The following PKHD1L1 variants were observed in gnomAD, a reference collection of about 807,000 sequenced individuals.
The protein encoded by PKHD1L1 is PKHD1 like 1.
PKHD1L1 carries 434 observed loss-of-function variants against 462.9 expected under a neutral mutation model. The ratio of observed to expected loss-of-function variants is 0.94; its 90% confidence interval spans 0.87 to 1.02. The LOEUF is 1.02. PKHD1L1 is among the 50% of genes least tolerant of loss of function. The pLI, the probability that PKHD1L1 is intolerant of heterozygous loss-of-function variation, is 0.00. For missense variants in PKHD1L1, 5,202 were observed against 5,096.1 expected, an observed-to-expected ratio of 1.02 and a Z score of -0.63; for synonymous variants, 1,781 against 1,750.0, an observed-to-expected ratio of 1.02 and a Z score of -0.44.
chr8:109,441,148 C>T lies in PKHD1L1; in HGVS notation c.4100-127C>T, dbSNP rs546046136. 384 of 682,274 alleles carry T rather than the reference C, an allele frequency of 5.6e-4. 1 individual carries two copies. The African/African-American group carries it at 6.7e-3, about 12-fold the overall frequency. 42.3% of individuals were successfully genotyped at this position (682,274 alleles called of 1,614,324 possible). A position where few individuals can be genotyped will look rare whatever the true frequency, so the allele number is the denominator to read the frequency against. Reference sequence around the variant, plus strand: ...CAGAAAAGAAGTTCTGAAGATCCTGCTATATAAGGCAGAGTTTTTTTTAGG... The same window carrying T: ...CAGAAAAGAAGTTCTGAAGATCCTGTTATATAAGGCAGAGTTTTTTTTAGG... On this transcript the variant is annotated intron_variant, in intron 33 of 77. Coordinates refer to ENST00000378402, the MANE Select transcript of PKHD1L1 (RefSeq NM_177531.6).
rs1055411664 is a variant in PKHD1L1, at chr8:109,456,319, G to A, written c.6932G>A (p.Arg2311Lys). ...GCTCATACTGCAAAGGCAGGGGAAA[G>A]AATTTTAATTTTACAAGAAGCAGTA... Reference protein sequence around the residue: ...RLAHTAKAGERILILQEAVTW... With the variant: ...RLAHTAKAGEKILILQEAVTW... The change falls in exon 46 of 78, where the codon AGA becomes AAA. Residue 2311 changes from arginine to lysine, a missense_variant. This residue lies in a region of PKHD1L1 where 4,497 missense variants were observed against 4,336.8 expected (regional missense o/e 1.04). Coordinates refer to ENST00000378402, the MANE Select transcript of PKHD1L1 (RefSeq NM_177531.6). 6.2e-7 allele frequency: 1 copy of A among 1,612,268 alleles called. No homozygotes were observed. Among genetic ancestry groups the A allele is most frequent in the Non-Finnish European group, 8.5e-7 (1 of 1,179,064 alleles).
In PKHD1L1 at chr8:109,438,894, C is replaced by A. The variant is rs1815602774; in HGVS notation, c.3761-3C>A. ...CATTATTTTTTAAATTTTAAAATAC[C>A]AGGAGAAGTTAATTTAACAATTAAG... is the stretch of plus-strand genomic sequence containing the variant. On this transcript the variant is annotated splice_region_variant and splice_polypyrimidine_tract_variant and intron_variant, in intron 31 of 77. Transcript: ENST00000378402. 3 of 1,576,942 alleles carry A rather than the reference C, an allele frequency of 1.9e-6. No homozygotes were observed. The highest frequency in any genetic ancestry group is 1.2e-5 in the South Asian group (1 of 85,708).
rs1417252063 is a variant in PKHD1L1 at position 109,490,051 on chromosome 8, G to GACA, written c.9981_9983dup (p.Gln3328dup). ...TATGCTGTAACGTTTCTTAACCTAG[G>GACA]ACAGGTTTGTGCTTTATTTTTAATT... On this transcript the variant is annotated inframe_insertion, in exon 60 of 78. Transcript: ENST00000378402. The GACA allele has an allele frequency of 1.3e-6, 2 of 1,582,540 alleles. No individual in the cohort carries two copies. Among genetic ancestry groups the GACA allele is most frequent in the Non-Finnish European group, 1.7e-6 (2 of 1,159,146 alleles).
chr8:109,450,305 G>T (rs55800074), intron 40 of PKHD1L1, among the ~76,000 whole-genome samples: 24,551 of 152,120 alleles, frequency 0.16, 2,243 homozygotes, highest in South Asian at 0.27. Flanking sequence ...AAGAATAAAG[G>T]ATATGTTTTA....
chr8:109,382,643 CT>C, intron 4 of PKHD1L1, 72 bp downstream of exon 4: 1 of 1,240,780 alleles, frequency 8.1e-7, no homozygotes, highest in Non-Finnish European at 1.1e-6. Flanking sequence ...TGAATTTTTC[CT>C]TTTTAGTTTT....
intron 10 of PKHD1L1, among the ~76,000 whole-genome samples, chr8:109,394,872 C>T (rs1289767480): frequency 6.6e-6 from 1 of 152,210 alleles, no homozygotes; most frequent in Non-Finnish European, 1.5e-5. Flanking sequence ...AATATTATTA[C>T]ATCGAAAATG....
At chr8:109,528,238 G>C (rs569665171) in intron 77 of PKHD1L1, among the ~76,000 whole-genome samples, 78 of 152,258 alleles carry the variant, frequency 5.1e-4, no homozygotes, top group African/African-American at 1.7e-3. Context: ...AAAAATGGCA[G>C]TGGAATAAAA....
intron 71 of PKHD1L1, among the ~76,000 whole-genome samples, chr8:109,511,647 A>G (rs1819990522): frequency 6.6e-6 from 1 of 151,810 alleles, no homozygotes; most frequent in Admixed American, 6.6e-5. Context: ...TAGTGCCACA[A>G]TAAACATACG....
chr8:109,410,751 A>G lies in PKHD1L1; in HGVS notation c.2085+773A>G, dbSNP rs1323525966. 3.5e-4 allele frequency among the ~76,000 whole-genome samples: 13 copies of G among 36,778 alleles called. No homozygotes were observed. In the African/African-American group the frequency reaches 3.9e-3, roughly 11 times the overall value. 24.1% of individuals were successfully genotyped at this position (36,778 alleles called of 152,430 possible). A position where few individuals can be genotyped will look rare whatever the true frequency, so the allele number is the denominator to read the frequency against. The stretch of plus-strand genomic sequence containing the variant: ...CTTTTTTTTTTTTTTTTTTTTTGAG[A>G]CGGAGTCTCACTCTGTCTCCAGGCT... On this transcript the variant is annotated intron_variant, in intron 19 of 77. Coordinates refer to ENST00000378402, the MANE Select transcript of PKHD1L1 (RefSeq NM_177531.6).
intron 67 of PKHD1L1, chr8:109,499,148 A>G: frequency 5.6e-6 from 1 of 177,854 alleles, no homozygotes; most frequent in Non-Finnish European, 1.2e-5. Context: ...AAATTCCCAC[A>G]GCTATTGGCA....
rs1432541009 is a variant in PKHD1L1, at chr8:109,500,419, G to T, written c.10828+1648G>T. ...CCCTGGTCCATGGTGGCTCATGCCT[G>T]TAATCCCAGCACTTTGGAAGGCCAA... On this transcript the variant is annotated intron_variant, in intron 67 of 77. Transcript: ENST00000378402. 2.0e-5 allele frequency among the ~76,000 whole-genome samples: 3 copies of T among 149,366 alleles called. No individual in the cohort carries two copies. The East Asian group carries it at 6.1e-4, about 30-fold the overall frequency.
intron 2 of PKHD1L1, among the ~76,000 whole-genome samples, chr8:109,368,093 T>G (rs1811319704): frequency 6.6e-6 from 1 of 152,236 alleles, no homozygotes; most frequent in African/African-American, 2.4e-5. Flanking sequence ...TGTAATTATA[T>G]TGGCTTTGTT....
In PKHD1L1 at chr8:109,412,538, C is replaced by G. The variant is rs10097044; in HGVS notation, c.2235+124C>G. The G allele has an allele frequency of 1.4e-3, 1,418 of 993,412 alleles. 11 individuals are homozygous for G. In the African/African-American group the frequency reaches 0.021, roughly 15 times the overall value. The allele number at this position is 993,412 out of a possible 1,614,324, so 61.5% of individuals were successfully genotyped here. ...ATAGTATGTCATATTGTAACAGGCA[C>G]CGAAGTGTACATTCTGGGTGCTTGT... On this transcript the variant is annotated intron_variant, in intron 20 of 77. Coordinates refer to ENST00000378402, the MANE Select transcript of PKHD1L1 (RefSeq NM_177531.6).
intron 2 of PKHD1L1, among the ~76,000 whole-genome samples, chr8:109,365,816 A>G (rs1045425176): frequency 1.3e-5 from 2 of 152,190 alleles, no homozygotes; most frequent in African/African-American, 4.8e-5. Flanking sequence ...TCTACTAAAA[A>G]TGCAAAAATT....
intron 63 of PKHD1L1, 55 bp downstream of exon 63, chr8:109,493,806 G>A (rs1818951765): frequency 1.7e-6 from 2 of 1,208,518 alleles, no homozygotes; most frequent in Non-Finnish European, 2.3e-6. Flanking sequence ...GTACAAAATT[G>A]TTAAAATAAA....
chr8:109,453,303 A>G (rs1041905507), intron 43 of PKHD1L1, among the ~76,000 whole-genome samples: 4 of 152,198 alleles, frequency 2.6e-5, no homozygotes, highest in African/African-American at 9.6e-5. Flanking sequence ...GTTCAGGTCT[A>G]TCCTAAATGA....
Position 109,394,423 on chromosome 8 carries a change from C to A in PKHD1L1, c.749C>A (p.Pro250Gln), listed in dbSNP as rs931916608. ...ILDNDYGRSF[P>Q]QKMAYFVSSL... ...TAATCTTTTTTTAACAGGAGTTTTC[C>A]ACAGAAAATGGCATATTTTGTTTCT... The change falls in exon 10 of 78, where the codon CCA (proline) becomes CAA (glutamine). Residue 250 changes from proline (P) to glutamine (Q), a missense_variant. Physicochemically the swap from Pro to Gln is moderately conservative, Grantham distance 76 (BLOSUM62 -1). Transcript: ENST00000378402. 43 of 1,486,474 alleles carry A rather than the reference C, an allele frequency of 2.9e-5. No individual in the cohort carries two copies. The highest frequency in any genetic ancestry group is 3.8e-5 in the Non-Finnish European group (42 of 1,108,680). The allele number at this position is 1,486,474 out of a possible 1,614,324, so 92.1% of individuals were successfully genotyped here.
chr8:109,421,533 A>T (rs1814464595), intron 23 of PKHD1L1, among the ~76,000 whole-genome samples: 1 of 152,208 alleles, frequency 6.6e-6, no homozygotes. Flanking sequence ...CTATAATACC[A>T]GCACTTTGGG....
chr8:109,503,391 C>T (rs1361516075), intron 67 of PKHD1L1, among the ~76,000 whole-genome samples: 1 of 152,064 alleles, frequency 6.6e-6, no homozygotes, highest in Non-Finnish European at 1.5e-5. Flanking sequence ...GTTGGGTGCA[C>T]TGGCCCAGTA....
Sources: gnomAD v4.1 joint callset for allele counts (sites outside exome capture counted in the v4.1 genomes callset) on GRCh38, gnomAD v4.1.1 for gene constraint, gnomAD v4.1.1 regional missense constraint, MANE v1.5 for transcripts, NCBI Gene and HGNC (gene_info 2026-07-23, HGNC 2026-07-21) for gene names.